COL25A1: variants seen among roughly 807,000 people sequenced by gnomAD.
COL25A1 encodes collagen alpha-1(XXV) chain.
A neutral mutation model predicts 128.4 loss-of-function variants in COL25A1; 103 were observed. The observed-to-expected ratio is 0.80, with a 90% CI of 0.68 to 0.94. The LOEUF is 0.94. Ranked by LOEUF, COL25A1 falls within the 40% of genes least tolerant of loss-of-function variation. The pLI is 0.00. For missense variants in COL25A1, 745 were observed against 840.0 expected (o/e 0.89, Z 1.40); for synonymous variants, 279 against 277.2 (o/e 1.01, Z -0.06).
chr4:108,835,861 C>CTTT lies in COL25A1; in HGVS notation c.1657-3431_1657-3429dup, dbSNP rs1158184110. Among the ~76,000 whole-genome samples, 232 of 45,726 alleles carry CTTT rather than the reference C, an allele frequency of 5.1e-3. 21 individuals are homozygous for CTTT. Among genetic ancestry groups the CTTT allele is most frequent in the South Asian group, 0.025 (19 of 758 alleles). The allele number at this position is 45,726 out of a possible 152,430, so 30.0% of individuals were successfully genotyped here. A position where few individuals can be genotyped will look rare whatever the true frequency, so the allele number is the denominator to read the frequency against. ...GCCACAGTGCCCGGCTTACATACGT[C>CTTT]TTTTTTTTTTTTTTTTTTTTTTTTT... On this transcript the variant is annotated intron_variant, in intron 31 of 37. Coordinates refer to ENST00000399132, the MANE Select transcript of COL25A1 (RefSeq NM_198721.4).
chr4:108,924,913 T>C (rs923969401), intron 11 of COL25A1, among the ~76,000 whole-genome samples: 1 of 152,170 alleles, frequency 6.6e-6, no homozygotes, highest in Admixed American at 6.5e-5. Flanking sequence ...CTCAGTACCC[T>C]CACCTTTGGG....
intron 11 of COL25A1, 52 bp downstream of exon 11, chr4:108,937,756 T>C: frequency 1.4e-6 from 2 of 1,440,070 alleles, no homozygotes; most frequent in Non-Finnish European, 1.9e-6. Context: ...ATCTTGACCA[T>C]AGTTGTAAAC....
At chr4:109,288,474 CT>C (rs1358991314) in intron 3 of COL25A1, among the ~76,000 whole-genome samples, 1 of 152,058 alleles carries the variant, frequency 6.6e-6, no homozygotes, top group Non-Finnish European at 1.5e-5. Context: ...TCTTTAACCC[CT>C]TTGTTATCTT....
intron 3 of COL25A1, among the ~76,000 whole-genome samples, chr4:109,153,368 T>G (rs1164394335): frequency 5.6e-5 from 7 of 125,254 alleles, no homozygotes; most frequent in African/African-American, 1.8e-4. Flanking sequence ...GCAACAAGAG[T>G]GAAGCTCCAT....
intron 3 of COL25A1, among the ~76,000 whole-genome samples, chr4:109,151,391 T>C (rs533181436): frequency 2.4e-4 from 36 of 152,230 alleles, no homozygotes; most frequent in African/African-American, 8.7e-4. Flanking sequence ...AGTGATGTAA[T>C]GGCATTAATC....
At chr4:109,080,030 TTC>T (rs1215424240) in intron 3 of COL25A1, among the ~76,000 whole-genome samples, 1 of 152,078 alleles carries the variant, frequency 6.6e-6, no homozygotes, top group Non-Finnish European at 1.5e-5. Flanking sequence ...CTGTGCCAAC[TTC>T]TGTTTGCAAA....
chr4:109,175,880 T>C lies in COL25A1; in HGVS notation c.367+124703A>G, dbSNP rs1465439899. 2.6e-5 allele frequency among the ~76,000 whole-genome samples: 4 copies of C among 152,356 alleles called. No homozygotes were observed. The East Asian group carries it at 5.8e-4, about 22-fold the overall frequency. ...GTATTTTCTAGTTCATTTAAAATTA[T>C]TTTTAGCTTATACTTTATGACCTAG... On this transcript the variant is annotated intron_variant, in intron 3 of 37. Transcript: ENST00000399132.
intron 3 of COL25A1, among the ~76,000 whole-genome samples, chr4:109,233,243 C>A (rs1779265840): frequency 6.6e-6 from 1 of 151,946 alleles, no homozygotes; most frequent in Admixed American, 6.6e-5. Context: ...AACATAATTA[C>A]TTTTATAATC....
chr4:109,179,398 T>C (rs1330816012), intron 3 of COL25A1, among the ~76,000 whole-genome samples: 2 of 152,218 alleles, frequency 1.3e-5, no homozygotes, highest in East Asian at 1.9e-4. Flanking sequence ...CCCATCCTGT[T>C]ACACCATGGT....
intron 8 of COL25A1, among the ~76,000 whole-genome samples, chr4:108,949,488 C>T (rs986498267): frequency 4.6e-5 from 7 of 152,230 alleles, no homozygotes; most frequent in South Asian, 2.1e-4. Context: ...CCCCTGACAA[C>T]CTGCTCCAGT....
At chr4:108,991,786 A>T (rs1398330096) in intron 6 of COL25A1, among the ~76,000 whole-genome samples, 1 of 152,190 alleles carries the variant, frequency 6.6e-6, no homozygotes, top group African/African-American at 2.4e-5. Flanking sequence ...TGGAACACAC[A>T]CATGAAATAT....
chr4:109,102,588 A>C (rs775760835), intron 3 of COL25A1, among the ~76,000 whole-genome samples: 66 of 152,094 alleles, frequency 4.3e-4, no homozygotes, highest in Non-Finnish European at 7.5e-4. Context: ...TTCTGAAAAA[A>C]GGATGTTGAG....
intron 3 of COL25A1, among the ~76,000 whole-genome samples, chr4:109,100,333 A>G (rs542126307): frequency 6.6e-6 from 1 of 152,258 alleles, no homozygotes; most frequent in African/African-American, 2.4e-5. Flanking sequence ...GATATGAAAA[A>G]CATTTTCAAA....
rs186485369 is a variant in COL25A1 at position 109,123,652 on chromosome 4, A to T, written c.368-73473T>A. On this transcript the variant is annotated intron_variant, in intron 3 of 37. Transcript: ENST00000399132. ...AAGATTAAGAAGTACAGCATTTCAC[A>T]ATTACAAAGAAATAATATTCTATTG... Among the ~76,000 whole-genome samples the T allele has an allele frequency of 1.1e-4, 16 of 152,294 alleles. No individual in the cohort carries two copies. In the East Asian group the frequency reaches 2.3e-3, roughly 22 times the overall value.
intron 31 of COL25A1, among the ~76,000 whole-genome samples, chr4:108,837,792 T>C (rs191614576): frequency 3.3e-5 from 5 of 152,260 alleles, no homozygotes; most frequent in Non-Finnish European, 7.4e-5. Flanking sequence ...TATGAAATAA[T>C]GAGCACAACA....
chr4:108,899,292 T>G, intron 14 of COL25A1, 112 bp from the exon 15 acceptor site: 1 of 894,634 alleles, frequency 1.1e-6, no homozygotes. Flanking sequence ...GCATGACATT[T>G]TCTATTTTGG....
intron 3 of COL25A1, among the ~76,000 whole-genome samples, chr4:109,278,904 G>A (rs1560972651): frequency 6.6e-6 from 1 of 152,198 alleles, no homozygotes. Flanking sequence ...CAGATTCAGT[G>A]TCTGGTGAGG....
intron 3 of COL25A1, among the ~76,000 whole-genome samples, chr4:109,226,828 ATAATAT>A (rs1186225960): frequency 6.6e-6 from 1 of 152,180 alleles, no homozygotes; most frequent in African/African-American, 2.4e-5. Context: ...ATAGGCAATA[ATAATAT>A]TAATAATATA....
At chr4:109,163,761 T>C (rs376755134) in intron 3 of COL25A1, among the ~76,000 whole-genome samples, 46 of 152,366 alleles carry the variant, frequency 3.0e-4, no homozygotes, top group African/African-American at 9.9e-4. Context: ...AGAAGCCACC[T>C]GTGCCTCTGC....
Sources: allele counts gnomAD v4.1 joint callset (sites outside exome capture counted in the v4.1 genomes callset), GRCh38; gene constraint gnomAD v4.1.1; transcripts MANE v1.5; gene names NCBI Gene and HGNC (gene_info 2026-07-23, HGNC 2026-07-21).